The following EBF3 variants were observed in gnomAD, a reference collection of about 807,000 sequenced individuals.
EBF3 encodes the protein transcription factor COE3.
Under a neutral mutation model 77.1 loss-of-function variants are expected in EBF3, and 18 were observed. That is an observed-to-expected ratio of 0.23 (90% CI 0.16 to 0.35). The LOEUF (loss-of-function observed/expected upper bound fraction) is 0.35, where lower values mean the gene tolerates loss of function less well. Among genes scored for constraint, EBF3 ranks in the 10% least tolerant of loss-of-function variants. The probability of loss-of-function intolerance (pLI) is 1.00; values close to 1 mark genes in which losing one functional copy is unlikely to be tolerated. For missense variants in EBF3, 558 were observed against 860.0 expected (o/e 0.65, Z 4.39); for synonymous variants, 350 against 343.5 (o/e 1.02, Z -0.21).
intron 6 of EBF3, among the ~76,000 whole-genome samples, chr10:129,937,330 C>G (rs1857432398): frequency 6.6e-6 from 1 of 152,086 alleles, no homozygotes; most frequent in South Asian, 2.1e-4. Context: ...TCAGGACACC[C>G]CAAATCTAGA....
chr10:129,844,457 G>A (rs956582353), intron 11 of EBF3, among the ~76,000 whole-genome samples: 2 of 152,160 alleles, frequency 1.3e-5, no homozygotes, highest in Non-Finnish European at 2.9e-5. Flanking sequence ...TGCAAATACA[G>A]TGCAGTCGGC....
intron 6 of EBF3, among the ~76,000 whole-genome samples, chr10:129,912,435 G>A (rs1047248909): frequency 1.3e-5 from 2 of 152,022 alleles, no homozygotes; most frequent in African/African-American, 4.8e-5. Flanking sequence ...GTCTCAGAGG[G>A]GAAAAAACAA....
At chr10:129,898,199 A>G (rs893698535) in intron 6 of EBF3, among the ~76,000 whole-genome samples, 1 of 152,256 alleles carries the variant, frequency 6.6e-6, no homozygotes. Context: ...TAATTTCATT[A>G]GTCTGAAGAG....
At chr10:129,851,278 C>T (rs946627685) in intron 10 of EBF3, among the ~76,000 whole-genome samples, 2 of 152,070 alleles carry the variant, frequency 1.3e-5, no homozygotes, top group Admixed American at 6.6e-5. Flanking sequence ...GAGCTCAAGT[C>T]GGGGATGAAG....
intron 6 of EBF3, among the ~76,000 whole-genome samples, chr10:129,942,100 G>T (rs1160819563): frequency 6.6e-6 from 1 of 152,214 alleles, no homozygotes; most frequent in South Asian, 2.1e-4. Flanking sequence ...CACCCACTCA[G>T]GGCACCAGGC....
At chr10:129,915,308 C>T (rs1855797011) in intron 6 of EBF3, among the ~76,000 whole-genome samples, 1 of 152,178 alleles carries the variant, frequency 6.6e-6, no homozygotes, top group Non-Finnish European at 1.5e-5. Flanking sequence ...CAAAGGATGG[C>T]TGGGGGTTCC....
intron 14 of EBF3, 74 bp from the exon 15 acceptor site, chr10:129,840,516 G>T (rs1053928061): frequency 3.4e-6 from 5 of 1,481,712 alleles, no homozygotes; most frequent in Middle Eastern, 2.1e-4. Context: ...CAAAGGCCTC[G>T]CCTCGGACGG....
chr10:129,860,770 T>A (rs1251459197), intron 10 of EBF3, among the ~76,000 whole-genome samples: 1 of 152,248 alleles, frequency 6.6e-6, no homozygotes, highest in African/African-American at 2.4e-5. Context: ...TTTTCCTTGA[T>A]AAATGGGTGA....
At chr10:129,852,150 G>A (rs1042517429) in intron 10 of EBF3, among the ~76,000 whole-genome samples, 2 of 152,136 alleles carry the variant, frequency 1.3e-5, no homozygotes, top group East Asian at 1.9e-4. Context: ...AGCCTGACAC[G>A]ACCACATAGA....
chr10:129,951,320 A>G (rs1285339997), intron 6 of EBF3, among the ~76,000 whole-genome samples: 1 of 152,238 alleles, frequency 6.6e-6, no homozygotes, highest in Non-Finnish European at 1.5e-5. Context: ...AGGCACTGCA[A>G]TATCTTCGCT....
intron 6 of EBF3, among the ~76,000 whole-genome samples, chr10:129,921,832 C>G (rs901013640): frequency 2.0e-5 from 3 of 152,200 alleles, no homozygotes; most frequent in Non-Finnish European, 2.9e-5. Flanking sequence ...GCCTCAAACA[C>G]GAAGGCCGCC....
At position 129,837,835 on chromosome 10, in the gene EBF3, A is replaced by C; in HGVS notation, c.*108T>G. ...TCAATTGCTGCTGATTTTTTTGAAGATACTGTTTCCATCAGCATGTCTTAA... is the reference window on the plus strand; with the variant it reads ...TCAATTGCTGCTGATTTTTTTGAAGCTACTGTTTCCATCAGCATGTCTTAA... On this transcript the variant is annotated 3_prime_UTR_variant, in exon 17 of 17. Coordinates refer to ENST00000440978, the MANE Select transcript of EBF3 (RefSeq NM_001375380.1). 5.5e-6 allele frequency: 8 copies of C among 1,449,988 alleles called. No homozygotes were observed. Among genetic ancestry groups the C allele is most frequent in the Non-Finnish European group, 7.7e-6 (8 of 1,044,586 alleles). The allele number at this position is 1,449,988 out of a possible 1,614,324, so 89.8% of individuals were successfully genotyped here. A position where few individuals can be genotyped will look rare whatever the true frequency, so the allele number is the denominator to read the frequency against.
At chr10:129,934,663 T>C (rs995496500) in intron 6 of EBF3, among the ~76,000 whole-genome samples, 1 of 152,148 alleles carries the variant, frequency 6.6e-6, no homozygotes, top group African/African-American at 2.4e-5. Context: ...TTCCAGCCCA[T>C]TCCCTCACAA....
At chr10:129,932,740 C>T (rs7904588) in intron 6 of EBF3, among the ~76,000 whole-genome samples, 15,367 of 152,172 alleles carry the variant, frequency 0.1, 1,806 homozygotes, top group African/African-American at 0.29. Context: ...TTCAACACCA[C>T]GAAGTTACAG....
intron 6 of EBF3, among the ~76,000 whole-genome samples, chr10:129,945,612 C>G (rs957366637): frequency 6.6e-6 from 1 of 152,184 alleles, no homozygotes; most frequent in African/African-American, 2.4e-5. Context: ...GGTGCAGGAT[C>G]CCGGAGCTCT....
intron 11 of EBF3, among the ~76,000 whole-genome samples, chr10:129,847,691 CAGAT>C (rs544711025): frequency 6.9e-4 from 105 of 152,290 alleles, no homozygotes; most frequent in Non-Finnish European, 1.3e-3. Flanking sequence ...CCTTGGAAAT[CAGAT>C]AGGGCTTCTA....
chr10:129,924,752 G>A (rs943099313), intron 6 of EBF3, among the ~76,000 whole-genome samples: 9 of 152,028 alleles, frequency 5.9e-5, no homozygotes, highest in Non-Finnish European at 7.4e-5. Flanking sequence ...CTGTAGCCTC[G>A]ACTGCCTGGC....
At position 129,944,171 on chromosome 10, in the gene EBF3, G is replaced by C. The variant is rs1858004034; in HGVS notation, c.554+13087C>G. 6.6e-6 allele frequency among the ~76,000 whole-genome samples: 1 copy of C among 152,102 alleles called. No homozygotes were observed. The highest frequency in any genetic ancestry group is 1.5e-5 in the Non-Finnish European group (1 of 68,018). ...TAAAGATATTTATCTTATACAACAA[G>C]AATAAAATCAATTTGCAAGGCCGGT... On this transcript the variant is annotated intron_variant, in intron 6 of 16. Coordinates refer to ENST00000440978, the MANE Select transcript of EBF3 (RefSeq NM_001375380.1). This position sits in a 1 kb window ranked among gnomAD's most constrained non-coding sequence, Gnocchi z 5.1.
chr10:129,858,053 C>T (rs1438285758), intron 10 of EBF3, among the ~76,000 whole-genome samples: 2 of 152,222 alleles, frequency 1.3e-5, no homozygotes, highest in Admixed American at 1.3e-4. Context: ...GGGGAGCAGT[C>T]CCCTGGTGAA....
Sources: allele counts gnomAD v4.1 joint callset (sites outside exome capture counted in the v4.1 genomes callset), GRCh38; gene constraint gnomAD v4.1.1; non-coding constraint Gnocchi (gnomAD v3.1); transcripts MANE v1.5; gene names NCBI Gene and HGNC (gene_info 2026-07-23, HGNC 2026-07-21).